The following KLHDC4 variants were observed in gnomAD, a reference collection of about 807,000 sequenced individuals.
KLHDC4 encodes kelch domain containing 4, also known as kelch domain-containing protein 4.
A neutral mutation model predicts 62.4 loss-of-function variants in KLHDC4; 90 were observed. That is an observed-to-expected ratio of 1.44 (90% CI 1.22 to 1.72). The LOEUF (loss-of-function observed/expected upper bound fraction) is 1.72. Among genes scored for constraint, KLHDC4 ranks in the 40% most tolerant of loss-of-function variants. The probability of loss-of-function intolerance (pLI) is 0.00; values close to 1 mark genes in which losing one functional copy is unlikely to be tolerated. For missense variants in KLHDC4, 1,025 were observed against 699.7 expected (o/e 1.47, Z -5.25); for synonymous variants, 386 against 284.4 (o/e 1.36, Z -3.59).
chr16:87,714,880 G>A (rs1392631893), intron 7 of KLHDC4, among the ~76,000 whole-genome samples: 1 of 152,094 alleles, frequency 6.6e-6, no homozygotes, highest in Non-Finnish European at 1.5e-5. Flanking sequence ...CCACCACAGG[G>A]GCCTCTGATA....
chr16:87,701,770 C>T, exon 1 of KLHDC4: 1 of 456,826 alleles, frequency 2.2e-6, no homozygotes, highest in South Asian at 1.5e-5. Flanking sequence ...AGCGTGCACA[C>T]CCGTCCGCCA....
chr16:87,711,468 G>A, intron 8 of KLHDC4, 25 bp from the exon 9 acceptor site: 2 of 1,587,150 alleles, frequency 1.3e-6, no homozygotes, highest in African/African-American at 1.3e-5. Context: ...CAAGGAAGTG[G>A]GATAAGAACA....
chr16:87,750,060 GCTA>G (rs950054749), intron 4 of KLHDC4, among the ~76,000 whole-genome samples: 3 of 152,146 alleles, frequency 2.0e-5, no homozygotes, highest in Non-Finnish European at 4.4e-5. Context: ...GACACCACCG[GCTA>G]CTCCACATGA....
At chr16:87,764,981 C>T (rs2046418143) in intron 1 of KLHDC4, 1 of 376,886 alleles carries the variant, frequency 2.7e-6, no homozygotes, top group African/African-American at 2.1e-5. Context: ...TTCAGGACAT[C>T]TGGTCACATC....
chr16:87,716,287 G>A (rs906439578), intron 7 of KLHDC4, among the ~76,000 whole-genome samples: 2 of 151,816 alleles, frequency 1.3e-5, no homozygotes, highest in Non-Finnish European at 2.9e-5. Flanking sequence ...CTATGGTCTT[G>A]TAGATATTGA....
intron 5 of KLHDC4, among the ~76,000 whole-genome samples, chr16:87,746,388 A>C (rs558667038): frequency 2.1e-4 from 32 of 152,172 alleles, no homozygotes; most frequent in South Asian, 4.2e-4. Flanking sequence ...AGAGAGAAAG[A>C]GACAGAGAGA....
chr16:87,755,245 G>A lies in KLHDC4; in HGVS notation c.318C>T (p.Thr106=). The A allele has an allele frequency of 6.2e-7, 1 of 1,611,916 alleles. No individual in the cohort carries two copies. Among genetic ancestry groups the A allele is most frequent in the Non-Finnish European group, 8.5e-7 (1 of 1,178,142 alleles). ...GACTGGGGATGTCAACTTTGGTCCA[G>A]GTGTCCTTTCTGGTATTGTAGACAT... ...ELYVYNTRKD[T]WTKVDIPSPP... Residue 106 remains threonine, a synonymous_variant, in exon 4 of 12, where the codon ACC becomes ACT. Transcript: ENST00000270583.
At chr16:87,718,997 C>A (rs1011966233) in intron 7 of KLHDC4, among the ~76,000 whole-genome samples, 1 of 151,666 alleles carries the variant, frequency 6.6e-6, no homozygotes, top group Non-Finnish European at 1.5e-5. Flanking sequence ...GGCAGCCGCC[C>A]CCTCCGGGAA....
At chr16:87,710,099 GAC>G (rs1358889506) in intron 9 of KLHDC4, 2 of 170,200 alleles carry the variant, frequency 1.2e-5, no homozygotes, top group Non-Finnish European at 2.5e-5. Context: ...AAGCAAGACA[GAC>G]GGTCAGGCCC....
chr16:87,762,154 T>C, intron 1 of KLHDC4, 114 bp from the exon 2 acceptor site: 4 of 1,527,312 alleles, frequency 2.6e-6, no homozygotes, highest in South Asian at 1.3e-5. Flanking sequence ...GTCACATCTG[T>C]GAATTGCAAC....
At chr16:87,743,307 C>A (rs972743029) in intron 5 of KLHDC4, among the ~76,000 whole-genome samples, 1 of 152,122 alleles carries the variant, frequency 6.6e-6, no homozygotes, top group Non-Finnish European at 1.5e-5. Flanking sequence ...GTTGTCCCGG[C>A]TGGTCTCAAA....
In KLHDC4 at chr16:87,726,951, G is replaced by T. The variant is rs766519788; in HGVS notation, c.600-27C>A. On this transcript the variant is annotated intron_variant, in intron 6 of 11. Coordinates refer to ENST00000270583, the MANE Select transcript of KLHDC4 (RefSeq NM_017566.4). ...TGGTTAGAAGAACAGCAGCTGTCAGGGTCCGTAACATTGGGAAAAGCCCTG... is the reference window on the plus strand; with the variant it reads ...TGGTTAGAAGAACAGCAGCTGTCAGTGTCCGTAACATTGGGAAAAGCCCTG... The T allele has an allele frequency of 1.9e-6, 3 of 1,611,256 alleles. No homozygotes were observed. In the African/African-American group the frequency reaches 4.0e-5, roughly 22 times the overall value.
chr16:87,731,760 T>C (rs368116692), intron 5 of KLHDC4, among the ~76,000 whole-genome samples: 68 of 152,204 alleles, frequency 4.5e-4, no homozygotes, highest in South Asian at 1.5e-3. Context: ...CATGCACAAG[T>C]TTATACACGC....
chr16:87,755,024 C>T (rs1234419122), intron 4 of KLHDC4, among the ~76,000 whole-genome samples, 170 bp downstream of exon 4: 2 of 152,162 alleles, frequency 1.3e-5, no homozygotes, highest in African/African-American at 4.8e-5. Context: ...CTCCCCGTCT[C>T]ACAGTGAAGA....
chr16:87,752,507 T>A (rs2044171947), intron 4 of KLHDC4, among the ~76,000 whole-genome samples: 1 of 151,932 alleles, frequency 6.6e-6, no homozygotes, highest in African/African-American at 2.4e-5. Context: ...CAGGTAATTT[T>A]TGTAGTTTTA....
chr16:87,765,146 G>T (rs747825227), intron 1 of KLHDC4: 14 of 456,068 alleles, frequency 3.1e-5, no homozygotes, highest in South Asian at 2.2e-4. Context: ...GGGAATCCAT[G>T]AGCAGCAGCC....
upstream of KLHDC4, chr16:87,702,678 C>G (rs752399691): frequency 4.7e-6 from 1 of 213,084 alleles, no homozygotes; most frequent in African/African-American, 2.3e-5. Context: ...GGGAGCCACG[C>G]GGAAGAGGCA....
intron 2 of KLHDC4, among the ~76,000 whole-genome samples, chr16:87,759,854 C>T (rs937896991): frequency 3.9e-5 from 6 of 152,210 alleles, no homozygotes; most frequent in African/African-American, 1.2e-4. Context: ...AAACGATCTA[C>T]ACGGGGCCCA....
At chr16:87,759,082 G>C (rs563011922) in intron 2 of KLHDC4, among the ~76,000 whole-genome samples, 39 of 152,284 alleles carry the variant, frequency 2.6e-4, no homozygotes, top group South Asian at 4.1e-4. Flanking sequence ...GGCTGAGGAA[G>C]AATTGCTTGA....
Sources: gnomAD v4.1 joint callset for allele counts (sites outside exome capture counted in the v4.1 genomes callset) on GRCh38, gnomAD v4.1.1 for gene constraint, MANE v1.5 for transcripts, NCBI Gene and HGNC (gene_info 2026-07-23, HGNC 2026-07-21) for gene names.